MUC5B: variants seen among roughly 807,000 people sequenced by gnomAD.
MUC5B encodes mucin-5B.
In MUC5B, 116 loss-of-function variants were observed where a neutral mutation model predicts 376.9. That is an observed-to-expected ratio of 0.31 (90% CI 0.26 to 0.36). MUC5B has a LOEUF of 0.36. Ranked by LOEUF, MUC5B falls within the 10% of genes least tolerant of loss-of-function variation. The pLI is 1.00. For synonymous variants in MUC5B, 3,517 were observed against 3,390.9 expected, an observed-to-expected ratio of 1.04 and a Z score of -1.29; for missense variants, 7,165 against 7,769.9, an observed-to-expected ratio of 0.92 and a Z score of 2.93.
chr11:1,246,261 C>A lies in MUC5B; in HGVS notation c.9381C>A (p.Ser3127=). The A allele has an allele frequency of 1.2e-6, 2 of 1,612,792 alleles. No homozygotes were observed. The highest frequency in any genetic ancestry group is 1.7e-6 in the Non-Finnish European group (2 of 1,179,440). Residue 3127 remains serine (S), a synonymous_variant, in exon 31 of 49, where the codon TCC becomes TCA. Transcript: ENST00000529681. ...RATSSMSTPS[S]TPGTTWILTE... is the part of the protein sequence containing the mutation. ...CCAGTTCCATGTCCACCCCCTCCTCCACTCCGGGGACGACCTGGATCCTCA... is the reference window on the plus strand; with the variant it reads ...CCAGTTCCATGTCCACCCCCTCCTCAACTCCGGGGACGACCTGGATCCTCA...
chr11:1,260,984 G>C (rs1862982191), intron 48 of MUC5B, among the ~76,000 whole-genome samples: 1 of 152,260 alleles, frequency 6.6e-6, no homozygotes, highest in Admixed American at 6.5e-5. Context: ...CCAGGTCCAG[G>C]TGTCCCCCTG....
intron 47 of MUC5B, 71 bp downstream of exon 47, chr11:1,260,464 G>A: frequency 6.4e-7 from 1 of 1,574,084 alleles, no homozygotes; most frequent in Admixed American, 1.7e-5. Flanking sequence ...TTCCTGCCCA[G>A]ACATCTGCAC....
intron 23 of MUC5B, among the ~76,000 whole-genome samples, chr11:1,236,063 C>T (rs544514235): frequency 3.9e-5 from 6 of 152,252 alleles, no homozygotes; most frequent in East Asian, 1.9e-4. Flanking sequence ...AGGACCGCAG[C>T]GGGTCAGGGG....
chr11:1,256,320 G>A, intron 38 of MUC5B, 95 bp downstream of exon 38: 1 of 678,714 alleles, frequency 1.5e-6, no homozygotes, highest in South Asian at 1.6e-5. Context: ...CCCACTGTGG[G>A]CCACAGATCT....
chr11:1,249,750 A>C lies in MUC5B; in HGVS notation c.12870A>C (p.Thr4290=), dbSNP rs1309765437. ...KVLTSPATTP[T]ATSSKATSSS... Reference sequence around the variant, plus strand: ...TGACCAGCCCGGCCACCACACCCACAGCCACCAGTTCCAAAGCCACTTCCT... The same window carrying C: ...TGACCAGCCCGGCCACCACACCCACCGCCACCAGTTCCAAAGCCACTTCCT... The change falls in exon 31 of 49, where the codon ACA becomes ACC. Residue 4290 remains threonine (T), a synonymous_variant. Coordinates refer to ENST00000529681, the MANE Select transcript of MUC5B (RefSeq NM_002458.3). The C allele has an allele frequency of 6.2e-7, 1 of 1,611,892 alleles. No individual in the cohort carries two copies. The highest frequency in any genetic ancestry group is 8.5e-7 in the Non-Finnish European group (1 of 1,179,108).
chr11:1,234,934 T>G lies in MUC5B; in HGVS notation c.2631-151T>G. The G allele has an allele frequency of 8.4e-7, 1 of 1,186,114 alleles. No individual in the cohort carries two copies. The highest frequency in any genetic ancestry group is 2.6e-5 in the East Asian group (1 of 38,842). 73.5% of individuals were successfully genotyped at this position (1,186,114 alleles called of 1,614,324 possible). A position where few individuals can be genotyped will look rare whatever the true frequency, so the allele number is the denominator to read the frequency against. On this transcript the variant is annotated intron_variant, in intron 21 of 48. Transcript: ENST00000529681. The surrounding 1 kb of genome is among the most constrained non-coding windows in gnomAD (Gnocchi z 6.3). The stretch of plus-strand genomic sequence containing the variant: ...GGGGCTGCGTGCCCTGCATTCACAG[T>G]GGGGGACACCACTTCTTCCACGGAG...
intron 48 of MUC5B, among the ~76,000 whole-genome samples, chr11:1,261,017 C>A (rs1341094624): frequency 6.6e-6 from 1 of 152,248 alleles, no homozygotes; most frequent in African/African-American, 2.4e-5. Context: ...GGAACCAGAG[C>A]CTTCTGTGAA....
In MUC5B at chr11:1,258,859, G is replaced by A; in HGVS notation, c.16594-83G>A. The stretch of plus-strand genomic sequence containing the variant: ...CCATCTGAGGAAGGAACAACTCCCT[G>A]CAGGCCCCATTGGGTCATGGGGAGG... On this transcript the variant is annotated intron_variant, in intron 43 of 48. Coordinates refer to ENST00000529681, the MANE Select transcript of MUC5B (RefSeq NM_002458.3). The surrounding 1 kb of genome is among the most constrained non-coding windows in gnomAD (Gnocchi z 5.5). The A allele has an allele frequency of 6.6e-7, 1 of 1,517,690 alleles. No homozygotes were observed. The allele number at this position is 1,517,690 out of a possible 1,614,324, so 94.0% of individuals were successfully genotyped here.
rs745432075 is a variant in MUC5B, at chr11:1,243,667, G to A, written c.6787G>A (p.Glu2263Lys). ...SSPHPSSRTT[E>K]SPPSPGTTTP... is the part of the protein sequence containing the mutation. ...CCCTCACCCTAGCAGCAGAACCACC[G>A]AGTCACCCCCTTCTCCAGGGACGAC... is the stretch of plus-strand genomic sequence containing the variant. The change falls in exon 31 of 49, where the codon GAG becomes AAG. Residue 2263 changes from glutamate (E) to lysine (K), a missense_variant. Physicochemically the swap from Glu to Lys is moderately conservative, Grantham distance 56. Around this residue, in one of 31 missense-constraint regions of MUC5B, gnomAD observed 79 missense variants for 63.0 expected, o/e 1.25. Coordinates refer to ENST00000529681, the MANE Select transcript of MUC5B (RefSeq NM_002458.3). 3.4e-5 allele frequency: 54 copies of A among 1,610,606 alleles called. No homozygotes were observed. Among genetic ancestry groups the A allele is most frequent in the African/African-American group, 2.2e-4 (16 of 74,408 alleles).
At position 1,251,431 on chromosome 11, in the gene MUC5B, C is replaced by G; in HGVS notation, c.14551C>G (p.Pro4851Ala). 1.9e-6 allele frequency: 3 copies of G among 1,559,966 alleles called. 1 individual carries two copies. In the South Asian group the frequency reaches 3.3e-5, roughly 17 times the overall value. Residue 4851 changes from proline to alanine, a missense_variant, in exon 31 of 49, where the codon CCG becomes GCG. By Grantham distance (27) the Pro-to-Ala change is conservative (BLOSUM62 -1). Coordinates refer to ENST00000529681, the MANE Select transcript of MUC5B (RefSeq NM_002458.3). ...TPGTTWILTEPSTIATVMVPT... is the reference protein window; with the variant it reads ...TPGTTWILTEASTIATVMVPT... ...AGGGACCACCTGGATCCTCACAGAG[C>G]CGAGCACTATAGCCACCGTGATGGT...
chr11:1,258,777 T>G lies in MUC5B; in HGVS notation c.16594-165T>G, dbSNP rs1481953880. On this transcript the variant is annotated intron_variant, in intron 43 of 48. Transcript: ENST00000529681. This position sits in a 1 kb window ranked among gnomAD's most constrained non-coding sequence, Gnocchi z 5.5. ...ATTCCCTGCCCACCTGTGGTCCCTG[T>G]GTGCATCAGCTCCCTGCCTGCCTGG... Among the ~76,000 whole-genome samples, 1 of 152,030 alleles carries G rather than the reference T, an allele frequency of 6.6e-6. No homozygotes were observed. The highest frequency in any genetic ancestry group is 1.5e-5 in the Non-Finnish European group (1 of 67,974).
At chr11:1,227,652 C>T (rs1433983897) in intron 6 of MUC5B, 23 bp from the exon 7 acceptor site, 3 of 716,576 alleles carry the variant, frequency 4.2e-6, no homozygotes, top group South Asian at 1.5e-5. Context: ...AGAGCCACCA[C>T]ACCCCTGCTT....
chr11:1,236,887 C>T (rs1862169756), intron 24 of MUC5B, 38 bp from the exon 25 acceptor site: 1 of 1,401,292 alleles, frequency 7.1e-7, no homozygotes, highest in Non-Finnish European at 9.3e-7. Context: ...TGCCTGTGGC[C>T]CCAGCTCCAG....
chr11:1,228,722 C>A lies in MUC5B; in HGVS notation c.933C>A (p.His311Gln), dbSNP rs145446448. 2 of 1,524,844 alleles carry A rather than the reference C, an allele frequency of 1.3e-6. No homozygotes were observed. The highest frequency in any genetic ancestry group is 1.8e-6 in the Non-Finnish European group (2 of 1,138,734). The allele number at this position is 1,524,844 out of a possible 1,614,324, so 94.5% of individuals were successfully genotyped here. A position where few individuals can be genotyped will look rare whatever the true frequency, so the allele number is the denominator to read the frequency against. ...TFVEYSRQCA[H>Q]AGGQPRNWRC... Reference sequence around the variant, plus strand: ...TGGAATACTCACGCCAGTGCGCCCACGCGGGGGGCCAGCCGCGGAACTGGA... The same window carrying A: ...TGGAATACTCACGCCAGTGCGCCCAAGCGGGGGGCCAGCCGCGGAACTGGA... The change falls in exon 8 of 49, where the codon CAC (histidine) becomes CAA (glutamine). Residue 311 changes from histidine (H) to glutamine (Q), a missense_variant. Coordinates refer to ENST00000529681, the MANE Select transcript of MUC5B (RefSeq NM_002458.3).
At chr11:1,232,604 G>T (rs755696343) in intron 16 of MUC5B, 40 bp from the exon 17 acceptor site, 7 of 1,601,884 alleles carry the variant, frequency 4.4e-6, no homozygotes, top group African/African-American at 2.7e-5. Flanking sequence ...GCCCTGGCAG[G>T]CTGGGGTCCC....
chr11:1,253,343 G>A lies in MUC5B; in HGVS notation c.15217+363G>A, dbSNP rs1159090086. On this transcript the variant is annotated intron_variant, in intron 33 of 48. Coordinates refer to ENST00000529681, the MANE Select transcript of MUC5B (RefSeq NM_002458.3). The surrounding 1 kb of genome is among the most constrained non-coding windows in gnomAD (Gnocchi z 4.3). ...GTTTGCTGAGCTTCTCTGCACATCA[G>A]CCTGTGTGGTTTGAAAGGGACCCTG... is the stretch of plus-strand genomic sequence containing the variant. Among the ~76,000 whole-genome samples the A allele has an allele frequency of 6.6e-6, 1 of 152,154 alleles. No homozygotes were observed. The highest frequency in any genetic ancestry group is 2.4e-5 in the African/African-American group (1 of 41,426).
chr11:1,223,141 G>C lies in MUC5B; in HGVS notation c.18G>C (p.Ala6=), dbSNP rs868610992. Residue 6 remains alanine (A), a synonymous_variant, in exon 1 of 49, where the codon GCG becomes GCC. Transcript: ENST00000529681. ...CCCCCAGGATGGGTGCCCCGAGCGC[G>C]TGCCGGACGCTGGTGTTGGCTCTGG... is the stretch of plus-strand genomic sequence containing the variant. MGAPS[A]CRTLVLALAA... The C allele has an allele frequency of 5.7e-6, 4 of 706,532 alleles. No individual in the cohort carries two copies. The highest frequency in any genetic ancestry group is 3.0e-5 in the South Asian group (2 of 67,450). 43.8% of individuals were successfully genotyped at this position (706,532 alleles called of 1,614,324 possible).
rs771291982 is a variant in MUC5B, at chr11:1,241,494, G to T, written c.4614G>T (p.Gly1538=). Residue 1538 remains glycine (G), a synonymous_variant, in exon 31 of 49, where the codon GGG becomes GGT. Transcript: ENST00000529681. ...ESYDKIRAAG[G]HLCQQPKDIE... is the part of the protein sequence containing the mutation. ...ACGATAAGATCAGGGCCGCTGGAGG[G>T]CACTTATGCCAGCAGCCTAAGGACA... 1 of 1,613,746 alleles carries T rather than the reference G, an allele frequency of 6.2e-7. No homozygotes were observed. Among genetic ancestry groups the T allele is most frequent in the East Asian group, 2.2e-5 (1 of 44,876 alleles).
In MUC5B at chr11:1,235,182, C is replaced by G. The variant is rs375892324; in HGVS notation, c.2728C>G (p.Arg910Gly). The change falls in exon 22 of 49, where the codon CGC becomes GGC. Residue 910 changes from arginine (R) to glycine (G), a missense_variant. By Grantham distance (125) the Arg-to-Gly change is moderately radical. Coordinates refer to ENST00000529681, the MANE Select transcript of MUC5B (RefSeq NM_002458.3). ...DGHFITFDGD[R>G]YSFEGSCEYI... ...CCACTTCATCACCTTTGATGGCGAT[C>G]GCTACAGCTTTGAAGGCAGCTGCGA... is the stretch of plus-strand genomic sequence containing the variant. 6.2e-7 allele frequency: 1 copy of G among 1,613,114 alleles called. No homozygotes were observed. The highest frequency in any genetic ancestry group is 8.5e-7 in the Non-Finnish European group (1 of 1,179,724).
Sources: gnomAD v4.1 joint callset for allele counts (sites outside exome capture counted in the v4.1 genomes callset) on GRCh38, gnomAD v4.1.1 for gene constraint, gnomAD v4.1.1 regional missense constraint, Gnocchi (gnomAD v3.1) non-coding constraint, MANE v1.5 for transcripts, NCBI Gene and HGNC (gene_info 2026-07-23, HGNC 2026-07-21) for gene names.